The following DCDC1 variants were observed in gnomAD, a reference collection of about 807,000 sequenced individuals.
The protein encoded by DCDC1 is doublecortin domain-containing protein 1.
DCDC1 carries 200 observed loss-of-function variants against 178.3 expected under a neutral mutation model. The observed-to-expected ratio is 1.12, with a 90% CI of 1.00 to 1.26. DCDC1 has a LOEUF of 1.26. DCDC1 is among the 50% of genes most tolerant of loss of function. The pLI, the probability that DCDC1 is intolerant of heterozygous loss-of-function variation, is 0.00. For missense variants in DCDC1, 1,983 were observed against 1,749.2 expected (o/e 1.13, Z -2.38); for synonymous variants, 690 against 604.8 (o/e 1.14, Z -2.07).
intron 22 of DCDC1, 150 bp downstream of exon 22, chr11:30,931,621 C>T: frequency 1.3e-6 from 1 of 746,736 alleles, no homozygotes; most frequent in Non-Finnish European, 2.0e-6. Context: ...TAAATGAGTC[C>T]TAGTCTCTAT....
At position 31,213,258 on chromosome 11, in the gene DCDC1, G is replaced by A. The variant is rs145258953; in HGVS notation, c.1221+28192C>T. 3.9e-3 allele frequency among the ~76,000 whole-genome samples: 583 copies of A among 151,052 alleles called. 2 individuals are homozygous for A. Among genetic ancestry groups the A allele is most frequent in the South Asian group, 0.011 (51 of 4,794 alleles). On this transcript the variant is annotated intron_variant, in intron 9 of 38. Coordinates refer to ENST00000684477, the MANE Select transcript of DCDC1 (RefSeq NM_001387274.1). ...AGTCTGGTTGGATATTTTCTATTCAGGGTCTATTTTCGCCTCATGTCAAAA... is the reference window on the plus strand; with the variant it reads ...AGTCTGGTTGGATATTTTCTATTCAAGGTCTATTTTCGCCTCATGTCAAAA...
At chr11:30,899,105 C>G (rs1244352235) in intron 34 of DCDC1, among the ~76,000 whole-genome samples, 1 of 151,236 alleles carries the variant, frequency 6.6e-6, no homozygotes, top group East Asian at 1.9e-4. Context: ...CTTCCTCATT[C>G]AGATTACTTA....
chr11:31,280,730 A>C, intron 7 of DCDC1: 1 of 587,352 alleles, frequency 1.7e-6, no homozygotes, highest in Non-Finnish European at 3.2e-6. Context: ...CTTCTTCTTA[A>C]TGCCGGCAAA....
rs994356016 is a variant in DCDC1, at chr11:30,980,923, A to G, written c.2592-28355T>C. ...CCTGCACTCATATGTTTATCACAGC[A>G]CTGTTCACAATAGCAAAGTCATGGA... On this transcript the variant is annotated intron_variant, in intron 20 of 38. Transcript: ENST00000684477. Among the ~76,000 whole-genome samples, 4 of 152,340 alleles carry G rather than the reference A, an allele frequency of 2.6e-5. No homozygotes were observed. In the East Asian group the frequency reaches 7.7e-4, roughly 29 times the overall value.
intron 9 of DCDC1, among the ~76,000 whole-genome samples, chr11:31,218,471 C>T (rs1026607071): frequency 1.3e-5 from 2 of 152,068 alleles, no homozygotes; most frequent in Non-Finnish European, 2.9e-5. Context: ...GAGACATTCA[C>T]TTTTTTAAAG....
At chr11:31,128,664 A>G (rs1283594031) in intron 10 of DCDC1, among the ~76,000 whole-genome samples, 1 of 152,148 alleles carries the variant, frequency 6.6e-6, no homozygotes, top group East Asian at 1.9e-4. Context: ...TCCTGGATTC[A>G]TCACTTACTG....
chr11:31,003,701 T>C (rs978598144), intron 20 of DCDC1, among the ~76,000 whole-genome samples: 19 of 151,708 alleles, frequency 1.3e-4, no homozygotes, highest in African/African-American at 4.4e-4. Flanking sequence ...TAGTGTAGAG[T>C]GAAAACAAGA....
At chr11:31,336,696 A>G (rs1950289901) in intron 1 of DCDC1, among the ~76,000 whole-genome samples, 1 of 152,230 alleles carries the variant, frequency 6.6e-6, no homozygotes, top group South Asian at 2.1e-4. Context: ...TTCCTTCTAC[A>G]AAACTAGAAT....
At chr11:30,959,701 T>A (rs158505) in intron 20 of DCDC1, among the ~76,000 whole-genome samples, 1 of 151,902 alleles carries the variant, frequency 6.6e-6, no homozygotes, top group Non-Finnish European at 1.5e-5. Flanking sequence ...AGTTATATAA[T>A]CCAGAAGTGA....
At chr11:31,110,619 C>T (rs777101126) in intron 11 of DCDC1, among the ~76,000 whole-genome samples, 1 of 151,904 alleles carries the variant, frequency 6.6e-6, no homozygotes, top group Non-Finnish European at 1.5e-5. Flanking sequence ...TCTAATTTGA[C>T]TGGCATACCC....
chr11:30,913,375 C>A (rs1945593187), intron 27 of DCDC1, among the ~76,000 whole-genome samples: 1 of 151,924 alleles, frequency 6.6e-6, no homozygotes, highest in South Asian at 2.1e-4. Flanking sequence ...TGCCACTGCA[C>A]TCCAGCCTGG....
Position 30,892,835 on chromosome 11 carries a change from C to T in DCDC1, c.5065G>A (p.Gly1689Ser), listed in dbSNP as rs368137781. 2.7e-5 allele frequency: 43 copies of T among 1,613,606 alleles called. No individual in the cohort carries two copies. Among genetic ancestry groups the T allele is most frequent in the Non-Finnish European group, 3.3e-5 (39 of 1,179,770 alleles). The change falls in exon 36 of 39, where the codon GGC becomes AGC. Residue 1689 changes from glycine (G) to serine (S), a missense_variant. By Grantham distance (56) the Gly-to-Ser change is moderately conservative (BLOSUM62 0). Transcript: ENST00000684477. Reference protein sequence around the residue: ...GRPEDGTYAWGKTISELLQDC... With the variant: ...GRPEDGTYAWSKTISELLQDC... Reference sequence around the variant, plus strand: ...AGATTTACCTCTGAAATAGTTTTGCCCCAGGCATAAGTGCCATCTTCAGGT... The same window carrying T: ...AGATTTACCTCTGAAATAGTTTTGCTCCAGGCATAAGTGCCATCTTCAGGT...
At chr11:31,292,630 A>G (rs1391862922) in intron 6 of DCDC1, among the ~76,000 whole-genome samples, 1 of 152,152 alleles carries the variant, frequency 6.6e-6, no homozygotes, top group Non-Finnish European at 1.5e-5. Flanking sequence ...ATTGAAGAGA[A>G]GCTTAATGGG....
intron 9 of DCDC1, among the ~76,000 whole-genome samples, chr11:31,234,675 C>A (rs1040580616): frequency 3.9e-5 from 6 of 152,126 alleles, no homozygotes; most frequent in Admixed American, 2.0e-4. Context: ...CTTGTCCGTT[C>A]ACACGAACCT....
intron 8 of DCDC1, among the ~76,000 whole-genome samples, chr11:31,253,182 A>G (rs1444671728): frequency 2.0e-5 from 3 of 152,182 alleles, no homozygotes; most frequent in Non-Finnish European, 2.9e-5. Flanking sequence ...GTAATTCAAC[A>G]AAGAAATTTT....
chr11:31,305,833 T>G, intron 5 of DCDC1, 56 bp from the exon 6 acceptor site: 1 of 1,573,064 alleles, frequency 6.4e-7, no homozygotes, highest in Non-Finnish European at 8.6e-7. Context: ...AGTAATATAT[T>G]TCCCTCAAAA....
At chr11:31,283,251 G>T in intron 7 of DCDC1, among the ~76,000 whole-genome samples, 1 of 152,064 alleles carries the variant, frequency 6.6e-6, no homozygotes, top group East Asian at 1.9e-4. Flanking sequence ...CTCAGTCCTT[G>T]CTTTCAGCCT....
At chr11:31,343,311 C>T (rs998611651) in intron 1 of DCDC1, among the ~76,000 whole-genome samples, 1 of 151,980 alleles carries the variant, frequency 6.6e-6, no homozygotes, top group African/African-American at 2.4e-5. Context: ...GAGTAAGACC[C>T]TGTCTTTTTT....
intron 7 of DCDC1, among the ~76,000 whole-genome samples, chr11:31,268,242 T>A (rs982070183): frequency 6.6e-6 from 1 of 152,174 alleles, no homozygotes; most frequent in East Asian, 1.9e-4. Flanking sequence ...AAAGTTACAA[T>A]TTACCAATTA....
Sources: allele counts gnomAD v4.1 joint callset (sites outside exome capture counted in the v4.1 genomes callset), GRCh38; gene constraint gnomAD v4.1.1; transcripts MANE v1.5; gene names NCBI Gene and HGNC (gene_info 2026-07-23, HGNC 2026-07-21).